KCNG2: variants seen among roughly 807,000 people sequenced by gnomAD.
KCNG2 encodes voltage-gated potassium channel regulatory subunit KCNG2.
In KCNG2, 7 loss-of-function variants were observed where a neutral mutation model predicts 12.3. The observed-to-expected ratio is 0.57, with a 90% CI of 0.32 to 1.07. KCNG2 has a LOEUF of 1.07. Ranked by LOEUF, KCNG2 falls within the 50% of genes least tolerant of loss-of-function variation. The pLI, the probability that KCNG2 is intolerant of heterozygous loss-of-function variation, is 0.04. For missense variants in KCNG2, 703 were observed against 726.0 expected (o/e 0.97, Z 0.36); for synonymous variants, 414 against 351.4 (o/e 1.18, Z -1.99).
intron 3 of KCNG2, among the ~76,000 whole-genome samples, chr18:79,887,836 C>T (rs1488914587): frequency 1.3e-5 from 2 of 152,156 alleles, no homozygotes; most frequent in Non-Finnish European, 1.5e-5. Flanking sequence ...GGACTGGAGC[C>T]AGGGATCCAC....
intron 1 of KCNG2, among the ~76,000 whole-genome samples, chr18:79,828,322 T>C (rs1460676341): frequency 2.0e-5 from 3 of 152,240 alleles, no homozygotes; most frequent in African/African-American, 7.2e-5. Flanking sequence ...CACTGCGTCA[T>C]TGCATGTCTG....
At position 79,884,123 on chromosome 18, in the gene KCNG2, C is replaced by T. The variant is rs892477735; in HGVS notation, c.625-14917C>T. Among the ~76,000 whole-genome samples, 10 of 152,290 alleles carry T rather than the reference C, an allele frequency of 6.6e-5. No individual in the cohort carries two copies. Among genetic ancestry groups the T allele is most frequent in the South Asian group, 2.1e-4 (1 of 4,826 alleles). Reference sequence around the variant, plus strand: ...CCACCAGCCTCCCGCCTGCAATTTCCGTGGCACAGGCCGACCTCTCTCTGC... The same window carrying T: ...CCACCAGCCTCCCGCCTGCAATTTCTGTGGCACAGGCCGACCTCTCTCTGC... On this transcript the variant is annotated intron_variant, in intron 3 of 3. Coordinates refer to ENST00000316249, the MANE Select transcript of KCNG2 (RefSeq NM_012283.2). This position sits in a 1 kb window ranked among gnomAD's most constrained non-coding sequence, Gnocchi z 5.5.
At chr18:79,868,401 C>T (rs1979696339) in intron 3 of KCNG2, among the ~76,000 whole-genome samples, 2 of 151,830 alleles carry the variant, frequency 1.3e-5, no homozygotes. Context: ...CGTGTCCAAG[C>T]GTCCGGTTAA....
intron 3 of KCNG2, among the ~76,000 whole-genome samples, chr18:79,866,494 AGAGGTCTGGGTGCT>A (rs1165322455): frequency 2.8e-5 from 3 of 107,030 alleles, no homozygotes; most frequent in African/African-American, 1.2e-4. Context: ...CTGTGTGCTG[AGAGGTCTGGGTGCT>A]GAGGTCTGGG....
At chr18:79,896,759 C>T (rs1980991272) in intron 3 of KCNG2, among the ~76,000 whole-genome samples, 1 of 152,192 alleles carries the variant, frequency 6.6e-6, no homozygotes, top group South Asian at 2.1e-4. Context: ...TCTTGTGAGG[C>T]AGGTCTGCTA....
chr18:79,893,980 G>A (rs949651724), intron 3 of KCNG2, among the ~76,000 whole-genome samples: 2 of 149,504 alleles, frequency 1.3e-5, no homozygotes, highest in African/African-American at 2.5e-5. Context: ...TAATGTTAAC[G>A]ATTAATATAG....
At chr18:79,853,355 C>T (rs1978891995) in intron 1 of KCNG2, among the ~76,000 whole-genome samples, 1 of 152,080 alleles carries the variant, frequency 6.6e-6, no homozygotes, top group South Asian at 2.1e-4. Flanking sequence ...AAACGCCGAG[C>T]GTGAGGGGTC....
chr18:79,826,821 T>C (rs1395556179), intron 1 of KCNG2, among the ~76,000 whole-genome samples: 3 of 151,754 alleles, frequency 2.0e-5, no homozygotes, highest in Admixed American at 1.3e-4. Flanking sequence ...GAGCAGCTCC[T>C]CACGGAAGGT....
intron 1 of KCNG2, among the ~76,000 whole-genome samples, chr18:79,829,241 AAT>A (rs1978289540): frequency 7.5e-6 from 1 of 134,124 alleles, no homozygotes; most frequent in African/African-American, 2.9e-5. Flanking sequence ...GTCTGTGTGT[AAT>A]GTGTCTGCGT....
chr18:79,836,895 A>G (rs1039300753), intron 1 of KCNG2, among the ~76,000 whole-genome samples: 3 of 152,286 alleles, frequency 2.0e-5, no homozygotes, highest in East Asian at 1.9e-4. Flanking sequence ...AACCATATCA[A>G]TTCAGCCCTG....
At chr18:79,888,227 G>A (rs1247767728) in intron 3 of KCNG2, among the ~76,000 whole-genome samples, 2 of 152,192 alleles carry the variant, frequency 1.3e-5, no homozygotes, top group Non-Finnish European at 2.9e-5. Context: ...ACGCGGTGGG[G>A]ACCACGTTTG....
chr18:79,855,453 C>T (rs534020418), intron 1 of KCNG2, among the ~76,000 whole-genome samples: 10 of 152,238 alleles, frequency 6.6e-5, no homozygotes, highest in Admixed American at 2.6e-4. Context: ...TGGGAACTGC[C>T]GCTTTGACTG....
intron 1 of KCNG2, among the ~76,000 whole-genome samples, chr18:79,851,618 G>A: frequency 1.3e-5 from 1 of 76,246 alleles, no homozygotes; most frequent in African/African-American, 3.3e-5. Context: ...GTGTGTGAGA[G>A]TGTGTGTGTA....
intron 3 of KCNG2, among the ~76,000 whole-genome samples, chr18:79,866,607 G>C (rs1266525410): frequency 7.9e-6 from 1 of 125,952 alleles, no homozygotes; most frequent in Non-Finnish European, 1.7e-5. Context: ...CTGAGGTCTG[G>C]GTGCTGAGAG....
intron 3 of KCNG2, among the ~76,000 whole-genome samples, chr18:79,873,479 C>T (rs937923227): frequency 6.7e-6 from 1 of 150,266 alleles, no homozygotes; most frequent in African/African-American, 2.4e-5. Context: ...TGCGTGGCCA[C>T]CGGCCCCTCT....
At chr18:79,839,576 T>G (rs1978400097) in intron 1 of KCNG2, among the ~76,000 whole-genome samples, 1 of 152,162 alleles carries the variant, frequency 6.6e-6, no homozygotes, top group Non-Finnish European at 1.5e-5. Flanking sequence ...ATTTGTAAAT[T>G]AAAAATTCCT....
At chr18:79,897,194 A>T (rs1981009657) in intron 3 of KCNG2, among the ~76,000 whole-genome samples, 1 of 151,446 alleles carries the variant, frequency 6.6e-6, no homozygotes, top group African/African-American at 2.4e-5. Flanking sequence ...CTCCTTGGGT[A>T]TTCCCATTAT....
In KCNG2 at chr18:79,899,677, G is replaced by C; in HGVS notation, c.1262G>C (p.Arg421Pro). ...SYSELKEQQQ[R>P]AASPEPALQE... ...TCCGAGCTCAAGGAGCAGCAGCAGC[G>C]CGCGGCCAGCCCCGAGCCGGCCCTG... The change falls in exon 4 of 4, where the codon CGC becomes CCC. Residue 421 changes from arginine (R) to proline (P), a missense_variant. By Grantham distance (103) the Arg-to-Pro change is moderately radical. Transcript: ENST00000316249. 6.2e-7 allele frequency: 1 copy of C among 1,608,030 alleles called. No homozygotes were observed. The highest frequency in any genetic ancestry group is 8.5e-7 in the Non-Finnish European group (1 of 1,178,084).
At chr18:79,860,099 G>A (rs1979158352) in intron 2 of KCNG2, among the ~76,000 whole-genome samples, 1 of 152,188 alleles carries the variant, frequency 6.6e-6, no homozygotes, top group Admixed American at 6.5e-5. Context: ...CATGGTGAAA[G>A]CAAGAACAAG....
Sources: gnomAD v4.1 joint callset for allele counts (sites outside exome capture counted in the v4.1 genomes callset) on GRCh38, gnomAD v4.1.1 for gene constraint, Gnocchi (gnomAD v3.1) non-coding constraint, MANE v1.5 for transcripts, NCBI Gene and HGNC (gene_info 2026-07-23, HGNC 2026-07-21) for gene names.